The following ASS1 variants were observed in gnomAD, a reference collection of about 807,000 sequenced individuals.
ASS1 encodes argininosuccinate synthase 1.
ASS1 carries 58 observed loss-of-function variants against 60.5 expected under a neutral mutation model. The ratio of observed to expected loss-of-function variants is 0.96; its 90% CI spans 0.78 to 1.19. ASS1 has a LOEUF of 1.19. ASS1 is among the 50% of genes most tolerant of loss of function. The probability of loss-of-function intolerance (pLI) is 0.00; values close to 1 mark genes in which losing one functional copy is unlikely to be tolerated. For synonymous variants in ASS1, 200 were observed against 206.9 expected, an observed-to-expected ratio of 0.97 and a Z score of 0.29; for missense variants, 454 against 547.3, an observed-to-expected ratio of 0.83 and a Z score of 1.70.
At chr9:130,445,249 AGTCCCCGGG>A (rs1845168427) in intron 1 of ASS1, 4 of 131,988 alleles carry the variant, frequency 3.0e-5, no homozygotes, top group South Asian at 2.3e-4. Flanking sequence ...CGGGGGCGCG[AGTCCCCGGG>A]TCCGAAGAGC....
intron 3 of ASS1, among the ~76,000 whole-genome samples, chr9:130,455,484 TC>T (rs1443368389): frequency 8.5e-5 from 13 of 152,240 alleles, no homozygotes; most frequent in African/African-American, 3.1e-4. Flanking sequence ...CCATCATCCA[TC>T]CTTCTGTCCA....
chr9:130,454,504 C>G, intron 3 of ASS1, 131 bp downstream of exon 3: 1 of 1,009,848 alleles, frequency 9.9e-7, no homozygotes, highest in Non-Finnish European at 1.5e-6. Context: ...TGAGATCATC[C>G]TGCTCTCAGG....
rs1272973805 is a variant in ASS1 at position 130,489,523 on chromosome 9, A to G, written c.970+59A>G. 7 of 1,612,108 alleles carry G rather than the reference A, an allele frequency of 4.3e-6. No homozygotes were observed. The East Asian group carries it at 8.9e-5, about 21-fold the overall frequency. On this transcript the variant is annotated intron_variant, in intron 12 of 14. Transcript: ENST00000352480. The surrounding 1 kb of genome is among the most constrained non-coding windows in gnomAD (Gnocchi z 4.1). ...GCCTCACAAGGGATCCCAAAGTACT[A>G]TCAGGCTCTCGGGCCTGGCCCTCCC...
rs1267868850 is a variant in ASS1 at position 130,478,432 on chromosome 9, C to T, written c.689-1284C>T. The stretch of plus-strand genomic sequence containing the variant: ...AGGCTCTGGCAGCCCTGCCCGAGGA[C>T]CAGGGCAGCTCCGCAGGCTGAGCTG... On this transcript the variant is annotated intron_variant, in intron 9 of 14. Transcript: ENST00000352480. The surrounding 1 kb of genome is among the most constrained non-coding windows in gnomAD (Gnocchi z 4.7). Among the ~76,000 whole-genome samples the T allele has an allele frequency of 6.6e-6, 1 of 152,134 alleles. No individual in the cohort carries two copies. The highest frequency in any genetic ancestry group is 1.5e-5 in the Non-Finnish European group (1 of 68,020).
At chr9:130,490,171 A>G (rs956096031) in intron 12 of ASS1, among the ~76,000 whole-genome samples, 5 of 152,256 alleles carry the variant, frequency 3.3e-5, no homozygotes, top group African/African-American at 9.6e-5. Flanking sequence ...CTTGGAATCC[A>G]GGCCTCCTGA....
At chr9:130,492,732 C>T (rs1415416822) in intron 12 of ASS1, among the ~76,000 whole-genome samples, 1 of 152,164 alleles carries the variant, frequency 6.6e-6, no homozygotes, top group Non-Finnish European at 1.5e-5. Flanking sequence ...AGAATTGCTC[C>T]AGTTAGAAAG....
rs1278663122 is a variant in ASS1 at position 130,489,378 on chromosome 9, T to G, written c.884T>G (p.Leu295Ter). 1 of 1,614,158 alleles carries G rather than the reference T, an allele frequency of 6.2e-7. No individual in the cohort carries two copies. Among genetic ancestry groups the G allele is most frequent in the Admixed American group, 1.7e-5 (1 of 60,026 alleles). Reference sequence around the variant, plus strand: ...GGCACCATCCTTTACCATGCTCATTTAGACATCGAGGCCTTCACCATGGAC... The same window carrying G: ...GGCACCATCCTTTACCATGCTCATTGAGACATCGAGGCCTTCACCATGGAC... ...PAGTILYHAHLDIEAFTMDRE... is the reference protein window; with the variant it reads ...PAGTILYHAH The change falls in exon 12 of 15, where the codon TTA (leucine) becomes TGA (stop). Residue 295 changes from leucine to a stop codon, truncating the protein, a stop_gained. Coordinates refer to ENST00000352480, the MANE Select transcript of ASS1 (RefSeq NM_054012.4). LOFTEE classifies it high-confidence loss of function. This position sits in a 1 kb window ranked among gnomAD's most constrained non-coding sequence, Gnocchi z 4.1.
intron 10 of ASS1, 147 bp downstream of exon 10, chr9:130,479,947 G>A (rs756285646): frequency 2.5e-5 from 24 of 947,022 alleles, no homozygotes; most frequent in Middle Eastern, 2.1e-4. Flanking sequence ...AGAGTTTCCC[G>A]GACCAGGGGG....
At chr9:130,473,491 ACCCAGAGTCCCACCCAGG>A (rs1845924456) in intron 8 of ASS1, among the ~76,000 whole-genome samples, 5 of 151,582 alleles carry the variant, frequency 3.3e-5, no homozygotes, top group African/African-American at 9.7e-5. Flanking sequence ...CCACCCAGGC[ACCCAGAGTCCCACCCAGG>A]CACCCAGAGT....
In ASS1 at chr9:130,486,245, C is replaced by T. The variant is rs191283237; in HGVS notation, c.839-3088C>T. 2.4e-4 allele frequency among the ~76,000 whole-genome samples: 37 copies of T among 152,298 alleles called. No individual in the cohort carries two copies. In the East Asian group the frequency reaches 7.0e-3, roughly 29 times the overall value. On this transcript the variant is annotated intron_variant, in intron 11 of 14. Coordinates refer to ENST00000352480, the MANE Select transcript of ASS1 (RefSeq NM_054012.4). ...TAGCTAGGACCACGGGCACATGCCACCACGCCCAGCTAATTTTTTTAATTT... is the reference window on the plus strand; with the variant it reads ...TAGCTAGGACCACGGGCACATGCCATCACGCCCAGCTAATTTTTTTAATTT...
Position 130,478,022 on chromosome 9 carries a change from G to A in ASS1, c.688+1061G>A, listed in dbSNP as rs185875147. Among the ~76,000 whole-genome samples, 820 of 152,262 alleles carry A rather than the reference G, an allele frequency of 5.4e-3. 2 individuals carry two copies. The highest frequency in any genetic ancestry group is 7.7e-3 in the Non-Finnish European group (523 of 68,020). ...CTTGACAGCCAGCTTCACCATGCTG[G>A]GCCTTGGGTGCACTCATCAAAAAAC... On this transcript the variant is annotated intron_variant, in intron 9 of 14. Transcript: ENST00000352480. This position sits in a 1 kb window ranked among gnomAD's most constrained non-coding sequence, Gnocchi z 4.7.
intron 5 of ASS1, 53 bp downstream of exon 5, chr9:130,464,220 A>T: frequency 6.3e-7 from 1 of 1,584,888 alleles, no homozygotes; most frequent in Non-Finnish European, 8.7e-7. Context: ...GCAGCACCTG[A>T]TGGGGAGGAG....
intron 6 of ASS1, among the ~76,000 whole-genome samples, chr9:130,467,634 T>C (rs968677526): frequency 6.6e-6 from 1 of 152,082 alleles, no homozygotes. Flanking sequence ...CCACCATCTG[T>C]TGTTTTATTA....
intron 8 of ASS1, among the ~76,000 whole-genome samples, chr9:130,472,575 G>C (rs1845895377): frequency 6.6e-6 from 1 of 152,202 alleles, no homozygotes; most frequent in Admixed American, 6.5e-5. Flanking sequence ...GTGCCCTCCA[G>C]CTCTGTGGCT....
chr9:130,472,419 G>A (rs561150802), intron 8 of ASS1, among the ~76,000 whole-genome samples: 16 of 152,188 alleles, frequency 1.1e-4, no homozygotes, highest in South Asian at 2.1e-4. Flanking sequence ...TCACATGGCA[G>A]CCACCATGTC....
intron 8 of ASS1, among the ~76,000 whole-genome samples, chr9:130,472,706 A>G (rs1214035542): frequency 6.6e-6 from 1 of 152,104 alleles, no homozygotes; most frequent in African/African-American, 2.4e-5. Flanking sequence ...AGGTTTTTCT[A>G]GTTCATGCTC....
chr9:130,476,929 C>A lies in ASS1; in HGVS notation c.656C>A (p.Thr219Asn), dbSNP rs769538241. 1.5e-5 allele frequency: 24 copies of A among 1,614,028 alleles called. No homozygotes were observed. In the Middle Eastern group the frequency reaches 8.2e-4, roughly 55 times the overall value. ...CAGGACCCAGCCAAAGCCCCCAACA[C>A]CCCTGACATTCTCGAGATCGAGTTC... ...KTQDPAKAPNTPDILEIEFKK... is the reference protein window; with the variant it reads ...KTQDPAKAPNNPDILEIEFKK... Residue 219 changes from threonine (T) to asparagine (N), a missense_variant, in exon 9 of 15, where the codon ACC becomes AAC. Transcript: ENST00000352480. This position sits in a 1 kb window ranked among gnomAD's most constrained non-coding sequence, Gnocchi z 4.9.
In ASS1 at chr9:130,470,719, C is replaced by G. The variant is rs1379709179; in HGVS notation, c.496-115C>G. ...ACCAACACTAGGAGGTAGCCAGGGT[C>G]TTGTCTGAATGGGGGCCAGAGTTTG... On this transcript the variant is annotated intron_variant, in intron 6 of 14. Coordinates refer to ENST00000352480, the MANE Select transcript of ASS1 (RefSeq NM_054012.4). This position sits in a 1 kb window ranked among gnomAD's most constrained non-coding sequence, Gnocchi z 4.3. The G allele has an allele frequency of 2.9e-5, 30 of 1,040,420 alleles. No individual in the cohort carries two copies. Among genetic ancestry groups the G allele is most frequent in the Non-Finnish European group, 3.8e-5 (25 of 664,536 alleles). 64.4% of individuals were successfully genotyped at this position (1,040,420 alleles called of 1,614,324 possible).
rs534124967 is a variant in ASS1, at chr9:130,483,649, G to T, written c.838+3200G>T. The stretch of plus-strand genomic sequence containing the variant: ...GTCCTTGTGCTCAGCCTCTTTCTCT[G>T]TCTCCTCTCTGGCCCCAGACTTCTC... On this transcript the variant is annotated intron_variant, in intron 11 of 14. Coordinates refer to ENST00000352480, the MANE Select transcript of ASS1 (RefSeq NM_054012.4). Among the ~76,000 whole-genome samples, 3 of 150,688 alleles carry T rather than the reference G, an allele frequency of 2.0e-5. No individual in the cohort carries two copies. The South Asian group carries it at 6.3e-4, about 32-fold the overall frequency.
Sources: allele counts gnomAD v4.1 joint callset (sites outside exome capture counted in the v4.1 genomes callset), GRCh38; gene constraint gnomAD v4.1.1; non-coding constraint Gnocchi (gnomAD v3.1); transcripts MANE v1.5; gene names NCBI Gene and HGNC (gene_info 2026-07-23, HGNC 2026-07-21).